Variants in OLAH observed in about 807,000 individuals in gnomAD.
OLAH encodes the protein oleoyl-ACP hydrolase, also known as S-acyl fatty acid synthase thioesterase, medium chain.
A neutral mutation model predicts 27.8 loss-of-function variants in OLAH; 33 were observed. The observed-to-expected ratio is 1.19, with a 90% confidence interval of 0.90 to 1.59. OLAH has a LOEUF of 1.59. Ranked by LOEUF, OLAH falls within the 40% of genes most tolerant of loss-of-function variation. The pLI is 0.00. For synonymous variants in OLAH, 120 were observed against 102.9 expected (o/e 1.17, Z -1.01); for missense variants, 359 against 310.8 (o/e 1.16, Z -1.17).
At chr10:15,038,856 G>A (rs753065774) in intron 1 of OLAH, among the ~76,000 whole-genome samples, 7 of 152,144 alleles carry the variant, frequency 4.6e-5, no homozygotes, top group Non-Finnish European at 8.8e-5. Context: ...CCAAGAGCAT[G>A]GATCAGTCAT....
At chr10:15,064,955 C>A (rs1472293546) in intron 5 of OLAH, among the ~76,000 whole-genome samples, 1 of 152,234 alleles carries the variant, frequency 6.6e-6, no homozygotes, top group Non-Finnish European at 1.5e-5. Context: ...GCACACCCAG[C>A]CTGCCATTAC....
intron 3 of OLAH, among the ~76,000 whole-genome samples, chr10:15,060,450 G>T (rs982228668): frequency 6.6e-6 from 1 of 152,028 alleles, no homozygotes; most frequent in South Asian, 2.1e-4. Context: ...GATTACAGGT[G>T]TGAGCCACTA....
intron 1 of OLAH, among the ~76,000 whole-genome samples, chr10:15,034,274 A>T (rs1479124612): frequency 6.6e-6 from 1 of 151,952 alleles, no homozygotes; most frequent in African/African-American, 2.4e-5. Context: ...CTGGGATTAC[A>T]GGCTCCCACC....
At chr10:15,060,361 G>A (rs1844339067) in intron 3 of OLAH, among the ~76,000 whole-genome samples, 2 of 151,974 alleles carry the variant, frequency 1.3e-5, no homozygotes, top group Admixed American at 1.3e-4. Context: ...GTAGAGATGG[G>A]GTTTCACCCT....
chr10:15,037,129 G>A (rs920138780), intron 1 of OLAH, among the ~76,000 whole-genome samples: 1 of 151,112 alleles, frequency 6.6e-6, no homozygotes, highest in Non-Finnish European at 1.5e-5. Flanking sequence ...AAATCGGCTG[G>A]AGCAAAACTA....
chr10:15,052,881 T>A (rs1844173973), intron 3 of OLAH, among the ~76,000 whole-genome samples: 2 of 151,880 alleles, frequency 1.3e-5, no homozygotes, highest in African/African-American at 4.8e-5. Context: ...TAGTTGGGAA[T>A]ACAGGCATGC....
chr10:15,034,136 C>T (rs578190542), intron 1 of OLAH, among the ~76,000 whole-genome samples: 1,475 of 126,354 alleles, frequency 0.012, 16 homozygotes, highest in Middle Eastern at 0.023. Flanking sequence ...TTTTTTGAGA[C>T]GGAGTCTCGC....
chr10:15,054,951 G>A (rs1258385446), intron 3 of OLAH, among the ~76,000 whole-genome samples: 4 of 151,778 alleles, frequency 2.6e-5, no homozygotes, highest in African/African-American at 9.7e-5. Context: ...TCTGCTTTGT[G>A]AGGTGTTTTT....
intron 1 of OLAH, among the ~76,000 whole-genome samples, chr10:15,038,008 G>A (rs1843867920): frequency 6.6e-6 from 1 of 152,224 alleles, no homozygotes; most frequent in African/African-American, 2.4e-5. Flanking sequence ...GGGGTTGGAG[G>A]CTGCCCAACA....
intron 6 of OLAH, among the ~76,000 whole-genome samples, chr10:15,069,102 C>T (rs1481593566): frequency 1.3e-5 from 2 of 152,136 alleles, no homozygotes; most frequent in African/African-American, 4.8e-5. Flanking sequence ...ACAGGGAGTT[C>T]CTGGACATCT....
At chr10:15,062,735 A>G (rs1004236782) in intron 4 of OLAH, among the ~76,000 whole-genome samples, 3 of 151,548 alleles carry the variant, frequency 2.0e-5, no homozygotes, top group African/African-American at 7.3e-5. Context: ...TAGTCCAGTG[A>G]ACATTCTTTT....
intron 1 of OLAH, among the ~76,000 whole-genome samples, chr10:15,045,604 A>G (rs1485646065): frequency 6.6e-6 from 1 of 152,100 alleles, no homozygotes; most frequent in African/African-American, 2.4e-5. Context: ...TTCTTCCTCT[A>G]TTTAGGCACA....
chr10:15,071,998 A>G (rs765196444), intron 7 of OLAH, 121 bp downstream of exon 7: 3 of 644,622 alleles, frequency 4.7e-6, no homozygotes, highest in Non-Finnish European at 5.4e-6. Flanking sequence ...CAATGGCGCA[A>G]TCTCAGCTCA....
At chr10:15,059,653 A>G (rs1844323826) in intron 3 of OLAH, among the ~76,000 whole-genome samples, 2 of 152,112 alleles carry the variant, frequency 1.3e-5, no homozygotes, top group Admixed American at 1.3e-4. Flanking sequence ...TAAAAATACA[A>G]AAATTACCCG....
At chr10:15,065,847 G>A in intron 6 of OLAH, 94 bp downstream of exon 6, 1 of 1,151,206 alleles carries the variant, frequency 8.7e-7, no homozygotes, top group Non-Finnish European at 1.2e-6. Flanking sequence ...TATGTGGGAA[G>A]ACAAAATTCT....
chr10:15,059,317 G>T (rs920800513), intron 3 of OLAH, among the ~76,000 whole-genome samples: 1 of 149,610 alleles, frequency 6.7e-6, no homozygotes, highest in Non-Finnish European at 1.5e-5. Flanking sequence ...CTCCCAAGTA[G>T]CTGGGACTAC....
rs199608230 is a variant in OLAH, at chr10:15,049,708, G to A, written c.106G>A (p.Gly36Arg). Residue 36 changes from glycine (G) to arginine (R), a missense_variant, in exon 3 of 8, where the codon GGA (glycine) becomes AGA (arginine). Gly to Arg is a moderately radical substitution (Grantham distance 125). Coordinates refer to ENST00000378228, the MANE Select transcript of OLAH (RefSeq NM_001039702.3). ...TAAGCTGATTTGCTTTCCCTGGATG[G>A]GAGGTGGCTCCACTCATTTTGCCAA... ...TFKLICFPWM[G>R]GGSTHFAKWG... 16 of 1,610,650 alleles carry A rather than the reference G, an allele frequency of 9.9e-6. No homozygotes were observed. Among genetic ancestry groups the A allele is most frequent in the Middle Eastern group, 1.6e-4 (1 of 6,082 alleles).
chr10:15,073,789 G>C lies in OLAH; in HGVS notation c.*560G>C, dbSNP rs1046420232. On this transcript the variant is annotated 3_prime_UTR_variant, in exon 8 of 8. Transcript: ENST00000378228. The stretch of plus-strand genomic sequence containing the variant: ...AGTAAATTATCCATTTTTTCCTTCA[G>C]TTAGTTTAATGGTGAAGATGATTAA... 3 of 151,920 alleles carry C rather than the reference G, an allele frequency of 2.0e-5. No individual in the cohort carries two copies. Among genetic ancestry groups the C allele is most frequent in the Non-Finnish European group, 4.4e-5 (3 of 68,024 alleles). 9.4% of individuals were successfully genotyped at this position (151,920 alleles called of 1,614,324 possible). A position where few individuals can be genotyped will look rare whatever the true frequency, so the allele number is the denominator to read the frequency against.
chr10:15,071,363 G>A (rs1205486075), intron 6 of OLAH, among the ~76,000 whole-genome samples: 1 of 152,258 alleles, frequency 6.6e-6, no homozygotes, highest in Non-Finnish European at 1.5e-5. Flanking sequence ...GTTTCTCCAC[G>A]TGCCCCTAGT....
Sources: gnomAD v4.1 joint callset for allele counts (sites outside exome capture counted in the v4.1 genomes callset) on GRCh38, gnomAD v4.1.1 for gene constraint, MANE v1.5 for transcripts, NCBI Gene and HGNC (gene_info 2026-07-23, HGNC 2026-07-21) for gene names.